SPTLC3: variants seen among roughly 807,000 people sequenced by gnomAD.
The protein encoded by SPTLC3 is serine palmitoyltransferase long chain base subunit 3.
A neutral mutation model predicts 59.3 loss-of-function variants in SPTLC3; 36 were observed. The observed-to-expected ratio is 0.61, with a 90% CI of 0.47 to 0.80. The LOEUF (loss-of-function observed/expected upper bound fraction) is 0.80. Among genes scored for constraint, SPTLC3 ranks in the 30% least tolerant of loss-of-function variants. The probability of loss-of-function intolerance (pLI) is 0.00; values close to 1 mark genes in which losing one functional copy is unlikely to be tolerated. For missense variants in SPTLC3, 625 were observed against 685.1 expected, an observed-to-expected ratio of 0.91 and a Z score of 0.98; for synonymous variants, 257 against 240.8, an observed-to-expected ratio of 1.07 and a Z score of -0.62.
intron 2 of SPTLC3, among the ~76,000 whole-genome samples, chr20:13,064,040 C>CTT (rs201810253): frequency 3.4e-4 from 46 of 134,104 alleles, no homozygotes; most frequent in Middle Eastern, 4.5e-3. Flanking sequence ...TCTTTTTCTT[C>CTT]TTTTTTTTTG....
intron 6 of SPTLC3, among the ~76,000 whole-genome samples, chr20:13,101,518 T>G (rs535738988): frequency 5.3e-5 from 8 of 152,298 alleles, no homozygotes; most frequent in South Asian, 2.1e-4. Context: ...CTTTGCATTT[T>G]CTACTGTGGG....
intron 3 of SPTLC3, chr20:13,074,019 C>T: frequency 1.6e-6 from 1 of 630,676 alleles, no homozygotes. Flanking sequence ...CTGTCTCCAT[C>T]CAGTCAAGCT....
intron 11 of SPTLC3, 120 bp downstream of exon 11, chr20:13,160,252 C>T (rs951659560): frequency 2.4e-6 from 3 of 1,246,148 alleles, no homozygotes; most frequent in Non-Finnish European, 3.2e-6. Context: ...GAAAACAACA[C>T]TGACAAAAGT....
intron 6 of SPTLC3, among the ~76,000 whole-genome samples, chr20:13,097,831 A>G (rs1292724788): frequency 3.3e-5 from 5 of 152,204 alleles, no homozygotes; most frequent in Non-Finnish European, 7.4e-5. Flanking sequence ...ATTAAAGGAT[A>G]AGAAAGAACA....
intron 1 of SPTLC3, among the ~76,000 whole-genome samples, chr20:13,029,522 T>TGAG (rs1028734081): frequency 8.3e-6 from 1 of 121,144 alleles, no homozygotes; most frequent in Non-Finnish European, 1.7e-5. Context: ...ATATGGCACT[T>TGAG]GAAAACAATT....
At chr20:13,027,837 A>G (rs1360495121) in intron 1 of SPTLC3, among the ~76,000 whole-genome samples, 2 of 152,218 alleles carry the variant, frequency 1.3e-5, no homozygotes, top group Non-Finnish European at 2.9e-5. Flanking sequence ...GTGATTTTAC[A>G]TGGCATATCA....
intron 1 of SPTLC3, among the ~76,000 whole-genome samples, chr20:13,011,271 A>T (rs879655859): frequency 1.3e-5 from 2 of 152,112 alleles, no homozygotes; most frequent in Admixed American, 1.3e-4. Context: ...GGGACCCTTT[A>T]ACAAACTAGG....
intron 1 of SPTLC3, 58 bp from the exon 2 acceptor site, chr20:13,048,887 A>G (rs563773229): frequency 2.8e-6 from 4 of 1,416,776 alleles, no homozygotes; most frequent in Non-Finnish European, 3.8e-6. Context: ...AATTTTAGGT[A>G]TCATAGTATA....
At chr20:13,100,481 A>G (rs1234487369) in intron 6 of SPTLC3, among the ~76,000 whole-genome samples, 3 of 152,202 alleles carry the variant, frequency 2.0e-5, no homozygotes, top group Admixed American at 6.5e-5. Context: ...TGTAAGCCCA[A>G]CTACTCGGTT....
In SPTLC3 at chr20:13,066,357, G is replaced by A. The variant is rs149266046; in HGVS notation, c.304-5899G>A. Among the ~76,000 whole-genome samples, 108 of 152,110 alleles carry A rather than the reference G, an allele frequency of 7.1e-4. 2 individuals are homozygous for A. The South Asian group carries it at 0.017, about 23-fold the overall frequency. On this transcript the variant is annotated intron_variant, in intron 2 of 11. Coordinates refer to ENST00000399002, the MANE Select transcript of SPTLC3 (RefSeq NM_018327.4). ...ATTGTGTGTTTTTGGCTCCTTTGTC[G>A]AAGATCCATTACTGTGAATGCATGA...
rs1988563267 is a variant in SPTLC3 at position 13,074,369 on chromosome 20, A to G, written c.479A>G (p.Lys160Arg). 1 of 1,613,942 alleles carries G rather than the reference A, an allele frequency of 6.2e-7. No individual in the cohort carries two copies. ...CACAGGTTTACTGGAAGAGTCATCAAAGATGTCATCAACATGGGCTCCTAT... is the reference window on the plus strand; with the variant it reads ...CACAGGTTTACTGGAAGAGTCATCAGAGATGTCATCAACATGGGCTCCTAT... ...WTFRFTGRVI[K>R]DVINMGSYNF... The change falls in exon 4 of 12, where the codon AAA (lysine) becomes AGA (arginine). Residue 160 changes from lysine (K) to arginine (R), a missense_variant. Lys to Arg is a conservative substitution (Grantham distance 26). Transcript: ENST00000399002.
At chr20:13,053,767 A>G (rs1231402749) in intron 2 of SPTLC3, among the ~76,000 whole-genome samples, 2 of 152,084 alleles carry the variant, frequency 1.3e-5, no homozygotes, top group Non-Finnish European at 2.9e-5. Context: ...AGCCAAATTG[A>G]TCAAGCGGAA....
intron 6 of SPTLC3, among the ~76,000 whole-genome samples, chr20:13,097,181 T>C (rs1300109498): frequency 6.6e-6 from 1 of 152,080 alleles, no homozygotes; most frequent in Non-Finnish European, 1.5e-5. Flanking sequence ...ATGGATGGCA[T>C]TTGCAGTAGA....
chr20:13,126,994 G>A (rs1431628736), intron 9 of SPTLC3, among the ~76,000 whole-genome samples: 1 of 152,264 alleles, frequency 6.6e-6, no homozygotes, highest in Non-Finnish European at 1.5e-5. Flanking sequence ...TTGTGTGCGT[G>A]TGTGTGCGCG....
At position 13,167,815 on chromosome 20, in the gene SPTLC3, G is replaced by A. The variant is rs2039003028; in HGVS notation, c.*2948G>A. On this transcript the variant is annotated 3_prime_UTR_variant, in exon 12 of 12. Transcript: ENST00000399002. The stretch of plus-strand genomic sequence containing the variant: ...GAAACATAATAGTTGTAGTGCCCAG[G>A]AATCTACATTTTTAACCAGCCTTCC... The A allele has an allele frequency of 6.6e-6, 1 of 152,096 alleles. No individual in the cohort carries two copies. The highest frequency in any genetic ancestry group is 2.1e-4 in the South Asian group (1 of 4,826). 9.4% of individuals were successfully genotyped at this position (152,096 alleles called of 1,614,324 possible). A position where few individuals can be genotyped will look rare whatever the true frequency, so the allele number is the denominator to read the frequency against.
rs1988561789 is a variant in SPTLC3 at position 13,074,349 on chromosome 20, G to T, written c.459G>T (p.Arg153Ser). The T allele has an allele frequency of 6.2e-7, 1 of 1,613,612 alleles. No homozygotes were observed. The highest frequency in any genetic ancestry group is 8.5e-7 in the Non-Finnish European group (1 of 1,179,814). ...TGCTCATTTACATGTTTCCCCACAG[G>T]TTTACTGGAAGAGTCATCAAAGATG... is the stretch of plus-strand genomic sequence containing the variant. ...RVSDDYNWTF[R>S]FTGRVIKDVI... The change falls in exon 4 of 12, where the codon AGG becomes AGT. Residue 153 changes from arginine (R) to serine (S), a missense_variant and splice_region_variant. Coordinates refer to ENST00000399002, the MANE Select transcript of SPTLC3 (RefSeq NM_018327.4).
At chr20:13,073,789 G>T (rs1988534918) in intron 3 of SPTLC3, 2 of 600,760 alleles carry the variant, frequency 3.3e-6, no homozygotes, top group East Asian at 4.1e-5. Flanking sequence ...GCCTGCACTG[G>T]TCCTGGAGCT....
At chr20:13,103,547 C>T (rs1477654341) in intron 6 of SPTLC3, among the ~76,000 whole-genome samples, 1 of 152,172 alleles carries the variant, frequency 6.6e-6, no homozygotes, top group Non-Finnish European at 1.5e-5. Flanking sequence ...TGCTGAGCAA[C>T]CCAGAGAGTA....
intron 2 of SPTLC3, among the ~76,000 whole-genome samples, chr20:13,063,158 C>T (rs1335343035): frequency 6.6e-6 from 1 of 152,164 alleles, no homozygotes; most frequent in African/African-American, 2.4e-5. Flanking sequence ...TCTTAATTTG[C>T]ATTTTCCTGA....
Sources: allele counts gnomAD v4.1 joint callset (sites outside exome capture counted in the v4.1 genomes callset), GRCh38; gene constraint gnomAD v4.1.1; transcripts MANE v1.5; gene names NCBI Gene and HGNC (gene_info 2026-07-23, HGNC 2026-07-21).